PIK3C2A: variants seen among roughly 807,000 people sequenced by gnomAD.
PIK3C2A encodes the protein phosphatidylinositol-4-phosphate 3-kinase catalytic subunit type 2 alpha, also known as phosphatidylinositol 4-phosphate 3-kinase C2 domain-containing subunit alpha.
PIK3C2A carries 97 observed loss-of-function variants against 204.5 expected under a neutral mutation model. The observed-to-expected ratio is 0.47, with a 90% CI of 0.40 to 0.56. The LOEUF is 0.56. Ranked by LOEUF, PIK3C2A falls within the 20% of genes least tolerant of loss-of-function variation. The probability of loss-of-function intolerance (pLI) is 0.00; values close to 1 mark genes in which losing one functional copy is unlikely to be tolerated. For synonymous variants in PIK3C2A, 653 were observed against 664.4 expected (o/e 0.98, Z 0.26); for missense variants, 1,735 against 1,969.2 (o/e 0.88, Z 2.25).
At chr11:17,185,253 T>C (rs902841220) in intron 1 of PIK3C2A, among the ~76,000 whole-genome samples, 5 of 152,242 alleles carry the variant, frequency 3.3e-5, no homozygotes, top group Non-Finnish European at 5.9e-5. Flanking sequence ...AATAACATGC[T>C]ATAGTATGTA....
rs372833269 is a variant in PIK3C2A, at chr11:17,116,033, A to T, written c.3216+1458T>A. On this transcript the variant is annotated intron_variant, in intron 19 of 32. Coordinates refer to ENST00000691414, the MANE Select transcript of PIK3C2A (RefSeq NM_002645.4). ...AAAGCATGAGCCACAAAAGAAAAAAATAGATAAACTGGACTTCATCAAACT... is the reference window on the plus strand; with the variant it reads ...AAAGCATGAGCCACAAAAGAAAAAATTAGATAAACTGGACTTCATCAAACT... Among the ~76,000 whole-genome samples the T allele has an allele frequency of 3.7e-4, 57 of 152,296 alleles. 1 individual carries two copies. In the South Asian group the frequency reaches 0.012, roughly 31 times the overall value.
rs190683907 is a variant in PIK3C2A, at chr11:17,164,024, T to C, written c.1065+4653A>G. On this transcript the variant is annotated intron_variant, in intron 2 of 32. Coordinates refer to ENST00000691414, the MANE Select transcript of PIK3C2A (RefSeq NM_002645.4). Reference sequence around the variant, plus strand: ...TATTTCATAGATAAAGAAACTCAGATTCAGTGATTTAACTCCAATTAATAT... The same window carrying C: ...TATTTCATAGATAAAGAAACTCAGACTCAGTGATTTAACTCCAATTAATAT... Among the ~76,000 whole-genome samples the C allele has an allele frequency of 2.0e-3, 297 of 152,218 alleles. 1 individual carries two copies. The highest frequency in any genetic ancestry group is 6.8e-3 in the Middle Eastern group (2 of 294).
intron 1 of PIK3C2A, among the ~76,000 whole-genome samples, chr11:17,174,419 C>T (rs1851274549): frequency 1.2e-5 from 1 of 80,380 alleles, no homozygotes; most frequent in Non-Finnish European, 2.4e-5. Context: ...AACCCCGTCT[C>T]TACTAAAAAA....
At chr11:17,148,884 TAATGTAGTCCACA>T in intron 4 of PIK3C2A, 97 bp from the exon 5 acceptor site, 1 of 945,368 alleles carries the variant, frequency 1.1e-6, no homozygotes, top group African/African-American at 1.6e-5. Context: ...AATAGAAATA[TAATGTAGTCCACA>T]AATGTAGGCC....
chr11:17,107,901 T>G (rs1848879644), intron 22 of PIK3C2A, among the ~76,000 whole-genome samples: 1 of 151,744 alleles, frequency 6.6e-6, no homozygotes. Context: ...AGACAGAGTC[T>G]CACTCTGTTT....
chr11:17,195,056 C>G (rs1230766246), intron 1 of PIK3C2A, among the ~76,000 whole-genome samples: 1 of 152,088 alleles, frequency 6.6e-6, no homozygotes, highest in South Asian at 2.1e-4. Flanking sequence ...AATGAAACTT[C>G]CTCATTCGAA....
At chr11:17,119,143 A>C (rs752670561) in intron 17 of PIK3C2A, 77 bp downstream of exon 17, 12 of 834,008 alleles carry the variant, frequency 1.4e-5, no homozygotes, top group Non-Finnish European at 1.8e-5. Context: ...ATCTAAACAG[A>C]ATGGGGATCC....
At chr11:17,206,899 T>G (rs1852600395) in intron 1 of PIK3C2A, among the ~76,000 whole-genome samples, 1 of 152,226 alleles carries the variant, frequency 6.6e-6, no homozygotes, top group African/African-American at 2.4e-5. Context: ...TAACTAATCT[T>G]GTTCAAAGAG....
chr11:17,149,420 T>A (rs2137432533), intron 4 of PIK3C2A, among the ~76,000 whole-genome samples: 1 of 152,280 alleles, frequency 6.6e-6, no homozygotes, highest in South Asian at 2.1e-4. Flanking sequence ...ATGTCTTTTA[T>A]ATCAGGGATT....
chr11:17,116,777 G>T (rs1198645828), intron 19 of PIK3C2A, among the ~76,000 whole-genome samples: 3 of 151,954 alleles, frequency 2.0e-5, no homozygotes. Context: ...TTTTAGTAGA[G>T]ACGGGGTTTC....
At chr11:17,129,694 T>G (rs1477480708) in intron 12 of PIK3C2A, among the ~76,000 whole-genome samples, 1 of 152,176 alleles carries the variant, frequency 6.6e-6, no homozygotes, top group Non-Finnish European at 1.5e-5. Flanking sequence ...TGGGTTCAAG[T>G]GATTCTCCTG....
intron 12 of PIK3C2A, among the ~76,000 whole-genome samples, chr11:17,130,331 T>C (rs1175982336): frequency 6.6e-6 from 1 of 152,164 alleles, no homozygotes; most frequent in East Asian, 1.9e-4. Context: ...ATGTTGAAAA[T>C]AGTGACACTT....
chr11:17,207,043 T>C (rs1302072207), intron 1 of PIK3C2A, among the ~76,000 whole-genome samples: 1 of 152,164 alleles, frequency 6.6e-6, no homozygotes, highest in Non-Finnish European at 1.5e-5. Flanking sequence ...ATGTCCAGAC[T>C]TTTTTCCTTA....
chr11:17,101,607 CTTT>C (rs768044410), intron 24 of PIK3C2A, among the ~76,000 whole-genome samples, 173 bp from the exon 25 acceptor site: 1 of 140,510 alleles, frequency 7.1e-6, no homozygotes, highest in Non-Finnish European at 1.6e-5. Flanking sequence ...CTTTTTTTTT[CTTT>C]TTTTTTTTTT....
At chr11:17,126,259 C>A (rs1187984573) in intron 13 of PIK3C2A, among the ~76,000 whole-genome samples, 2 of 152,064 alleles carry the variant, frequency 1.3e-5, no homozygotes, top group Admixed American at 1.3e-4. Flanking sequence ...TAGTTAAGAA[C>A]TCATTTGTGC....
intron 1 of PIK3C2A, among the ~76,000 whole-genome samples, chr11:17,173,102 T>C (rs1851230943): frequency 1.3e-5 from 2 of 152,242 alleles, no homozygotes; most frequent in African/African-American, 2.4e-5. Flanking sequence ...TCAGAATTCA[T>C]CTTTTTAGAT....
At chr11:17,188,521 T>A (rs1330629559) in intron 1 of PIK3C2A, among the ~76,000 whole-genome samples, 1 of 146,858 alleles carries the variant, frequency 6.8e-6, no homozygotes, top group Non-Finnish European at 1.5e-5. Context: ...ACCAGACTTT[T>A]AAGAAATTTT....
intron 26 of PIK3C2A, among the ~76,000 whole-genome samples, chr11:17,097,913 C>CA (rs1275791301): frequency 3.3e-5 from 5 of 151,862 alleles, no homozygotes; most frequent in Non-Finnish European, 5.9e-5. Flanking sequence ...AGACTGTCTC[C>CA]AAAAAACCAC....
intron 1 of PIK3C2A, among the ~76,000 whole-genome samples, chr11:17,179,667 G>A (rs745437503): frequency 1.3e-5 from 2 of 152,070 alleles, no homozygotes; most frequent in Non-Finnish European, 2.9e-5. Context: ...TGAAGCTGAA[G>A]GGCAGTGACA....
Sources: gnomAD v4.1 joint callset for allele counts (sites outside exome capture counted in the v4.1 genomes callset) on GRCh38, gnomAD v4.1.1 for gene constraint, MANE v1.5 for transcripts, NCBI Gene and HGNC (gene_info 2026-07-23, HGNC 2026-07-21) for gene names.